Variants in FER1L6 observed in about 807,000 individuals in gnomAD.
FER1L6 encodes fer-1-like protein 6.
A neutral mutation model predicts 219.2 loss-of-function variants in FER1L6; 177 were observed. That is an observed-to-expected ratio of 0.81 (90% CI 0.71 to 0.91). The LOEUF is 0.91. Ranked by LOEUF, FER1L6 falls within the 40% of genes least tolerant of loss-of-function variation. FER1L6 has a pLI of 0.00. For synonymous variants in FER1L6, 768 were observed against 824.3 expected, an observed-to-expected ratio of 0.93 and a Z score of 1.17; for missense variants, 2,153 against 2,259.9, an observed-to-expected ratio of 0.95 and a Z score of 0.96.
chr8:124,057,805 A>G (rs957113981), intron 22 of FER1L6, among the ~76,000 whole-genome samples: 1 of 152,066 alleles, frequency 6.6e-6, no homozygotes, highest in African/African-American at 2.4e-5. Context: ...TCTTCTTTCC[A>G]GTGACTAAAT....
intron 17 of FER1L6, among the ~76,000 whole-genome samples, chr8:124,022,119 C>T (rs1818484274): frequency 6.6e-6 from 1 of 152,208 alleles, no homozygotes; most frequent in Non-Finnish European, 1.5e-5. Context: ...TTGAAGCTTG[C>T]AAATGTGTAG....
At chr8:123,932,744 G>A (rs754294527) in intron 1 of FER1L6, among the ~76,000 whole-genome samples, 12 of 152,180 alleles carry the variant, frequency 7.9e-5, no homozygotes, top group Non-Finnish European at 1.3e-4. Flanking sequence ...TGTAATTAGG[G>A]CGTTGGAGTA....
At chr8:123,862,844 A>C (rs539198326) in intron 1 of FER1L6, among the ~76,000 whole-genome samples, 1 of 135,704 alleles carries the variant, frequency 7.4e-6, no homozygotes, top group Non-Finnish European at 1.6e-5. Context: ...ATCATTTTTT[A>C]TTGTGTCTAT....
chr8:123,941,296 G>T (rs1324948860), intron 1 of FER1L6, among the ~76,000 whole-genome samples: 1 of 152,222 alleles, frequency 6.6e-6, no homozygotes, highest in Non-Finnish European at 1.5e-5. Context: ...AAAGCACAGA[G>T]GTCAGGGAAG....
At position 124,097,874 on chromosome 8, in the gene FER1L6, A is replaced by G. The variant is rs767791878; in HGVS notation, c.4874A>G (p.Tyr1625Cys). Reference protein sequence around the residue: ...IFTGQKSSDIYVKGWLKGLED... With the variant: ...IFTGQKSSDICVKGWLKGLED... ...ACAGGCCAAAAATCAAGTGATATTTATGTGAAAGGGTAAGGTTATCAACAA... is the reference window on the plus strand; with the variant it reads ...ACAGGCCAAAAATCAAGTGATATTTGTGTGAAAGGGTAAGGTTATCAACAA... The change falls in exon 37 of 41, where the codon TAT becomes TGT. Residue 1625 changes from tyrosine (Y) to cysteine (C), a missense_variant. Coordinates refer to ENST00000522917, the MANE Select transcript of FER1L6 (RefSeq NM_001039112.2). 4 of 1,551,806 alleles carry G rather than the reference A, an allele frequency of 2.6e-6. No individual in the cohort carries two copies. In the African/African-American group the frequency reaches 5.4e-5, roughly 21 times the overall value.
intron 1 of FER1L6, among the ~76,000 whole-genome samples, chr8:123,954,755 C>T (rs185690210): frequency 6.6e-6 from 1 of 152,198 alleles, no homozygotes; most frequent in South Asian, 2.1e-4. Flanking sequence ...AACCACTGCA[C>T]TCCACACATC....
intron 13 of FER1L6, 104 bp downstream of exon 13, chr8:124,003,451 CTTTTTTTTTTTTTTTT>C (rs71289633): frequency 4.4e-4 from 49 of 111,096 alleles, no homozygotes; most frequent in South Asian, 1.2e-3. Flanking sequence ...CAGAAATGTC[CTTTTTTTTTTTTTTTT>C]TTTTTTTTTT....
At chr8:124,070,054 T>C (rs1821000596) in intron 29 of FER1L6, among the ~76,000 whole-genome samples, 1 of 152,218 alleles carries the variant, frequency 6.6e-6, no homozygotes, top group African/African-American at 2.4e-5. Flanking sequence ...ATTTCATGTC[T>C]ATATGCATTA....
chr8:124,052,209 C>T (rs562502467), intron 22 of FER1L6, among the ~76,000 whole-genome samples: 3 of 152,136 alleles, frequency 2.0e-5, no homozygotes, highest in Non-Finnish European at 4.4e-5. Flanking sequence ...AGACTTTCAA[C>T]GAGTGATTTT....
intron 39 of FER1L6, among the ~76,000 whole-genome samples, chr8:124,105,831 T>G (rs768415462): frequency 6.6e-6 from 1 of 152,150 alleles, no homozygotes; most frequent in Non-Finnish European, 1.5e-5. Context: ...TGAAAAGGAA[T>G]GAAATACTGA....
chr8:124,014,647 T>C (rs1264119030), intron 15 of FER1L6, among the ~76,000 whole-genome samples: 2 of 152,234 alleles, frequency 1.3e-5, no homozygotes, highest in Non-Finnish European at 2.9e-5. Flanking sequence ...CACTCAGTAT[T>C]TTGGGGAATT....
intron 8 of FER1L6, 113 bp downstream of exon 8, chr8:123,975,419 C>T: frequency 9.7e-7 from 1 of 1,031,388 alleles, no homozygotes; most frequent in Non-Finnish European, 1.4e-6. Context: ...TTCTTCTCAG[C>T]TTGGTCACCT....
intron 1 of FER1L6, among the ~76,000 whole-genome samples, chr8:123,858,183 A>C (rs1816681457): frequency 6.6e-6 from 1 of 152,174 alleles, no homozygotes; most frequent in African/African-American, 2.4e-5. Flanking sequence ...GAACAATTAC[A>C]TAGGCTGATA....
At chr8:124,038,952 A>G (rs183595124) in intron 19 of FER1L6, among the ~76,000 whole-genome samples, 1 of 152,362 alleles carries the variant, frequency 6.6e-6, no homozygotes, top group Non-Finnish European at 1.5e-5. Flanking sequence ...GGATAAGTGA[A>G]TATAAAAACC....
chr8:124,036,768 C>T (rs534515922), intron 19 of FER1L6, among the ~76,000 whole-genome samples: 1 of 152,298 alleles, frequency 6.6e-6, no homozygotes, highest in African/African-American at 2.4e-5. Context: ...AAAGACTTTT[C>T]CTAGTGCTTT....
chr8:123,992,363 T>A (rs1479703599), intron 12 of FER1L6, among the ~76,000 whole-genome samples: 1 of 152,200 alleles, frequency 6.6e-6, no homozygotes, highest in Non-Finnish European at 1.5e-5. Context: ...TTTTTTTACA[T>A]TGCTGACTCA....
intron 25 of FER1L6, among the ~76,000 whole-genome samples, chr8:124,063,157 TTC>T (rs1174343001): frequency 6.6e-6 from 1 of 152,196 alleles, no homozygotes; most frequent in African/African-American, 2.4e-5. Context: ...TGCTTTAATT[TTC>T]TTTTTGATTC....
chr8:124,002,152 G>C (rs543010907), intron 12 of FER1L6, among the ~76,000 whole-genome samples: 1 of 152,212 alleles, frequency 6.6e-6, no homozygotes, highest in South Asian at 2.1e-4. Context: ...CAAGAAGGGG[G>C]CCTTATAATC....
At chr8:124,040,177 G>A (rs1819421016) in intron 20 of FER1L6, among the ~76,000 whole-genome samples, 171 bp downstream of exon 20, 1 of 152,168 alleles carries the variant, frequency 6.6e-6, no homozygotes, top group South Asian at 2.1e-4. Context: ...GTGTGGGGAA[G>A]GTCTATTGTT....
Sources: allele counts gnomAD v4.1 joint callset (sites outside exome capture counted in the v4.1 genomes callset), GRCh38; gene constraint gnomAD v4.1.1; transcripts MANE v1.5; gene names NCBI Gene and HGNC (gene_info 2026-07-23, HGNC 2026-07-21).